Variants in PRKG1 observed in about 807,000 individuals in gnomAD.
PRKG1 encodes the protein protein kinase cGMP-dependent 1, also known as cGMP-dependent protein kinase 1.
A neutral mutation model predicts 88.1 loss-of-function variants in PRKG1; 35 were observed. That is an observed-to-expected ratio of 0.40 (90% CI 0.30 to 0.53). The LOEUF is 0.53. Ranked by LOEUF, PRKG1 falls within the 20% of genes least tolerant of loss-of-function variation. The probability of loss-of-function intolerance (pLI) is 0.59; values close to 1 mark genes in which losing one functional copy is unlikely to be tolerated. For missense variants in PRKG1, 540 were observed against 839.8 expected (o/e 0.64, Z 4.41); for synonymous variants, 303 against 292.5 (o/e 1.04, Z -0.37).
intron 2 of PRKG1, among the ~76,000 whole-genome samples, chr10:51,362,948 T>A (rs1002878903): frequency 2.0e-5 from 3 of 151,882 alleles, no homozygotes; most frequent in African/African-American, 7.2e-5. Flanking sequence ...AGTGTTACGA[T>A]CAGCTTAGAA....
intron 5 of PRKG1, among the ~76,000 whole-genome samples, chr10:51,958,510 C>T (rs1047266251): frequency 6.7e-4 from 94 of 141,316 alleles, no homozygotes; most frequent in African/African-American, 2.4e-3. Flanking sequence ...TGATGATCTT[C>T]AAGTATTTCA....
chr10:51,555,791 AG>A lies in PRKG1; in HGVS notation c.592+87958del, dbSNP rs1250381884. ...TTGGCTGGAAGGTAGGGGAAGAGGAAGGGTTACTTTTGCTTCTCTGAGTGTC... is the reference window on the plus strand; with the variant it reads ...TTGGCTGGAAGGTAGGGGAAGAGGAAGGTTACTTTTGCTTCTCTGAGTGTC... On this transcript the variant is annotated intron_variant, in intron 3 of 17. Coordinates refer to ENST00000373980, the MANE Select transcript of PRKG1 (RefSeq NM_006258.4). Among the ~76,000 whole-genome samples the A allele has an allele frequency of 2.6e-5, 4 of 152,048 alleles. No individual in the cohort carries two copies. The East Asian group carries it at 7.8e-4, about 30-fold the overall frequency.
chr10:51,199,987 C>T (rs528106518), intron 2 of PRKG1, among the ~76,000 whole-genome samples: 2 of 151,986 alleles, frequency 1.3e-5, no homozygotes, highest in Non-Finnish European at 2.9e-5. Flanking sequence ...CAATATAAGT[C>T]GGGTAAAAGA....
intron 9 of PRKG1, chr10:52,184,864 A>T (rs928200508): frequency 1.3e-5 from 2 of 152,268 alleles, no homozygotes; most frequent in Admixed American, 6.5e-5. Flanking sequence ...TAACGGAGCA[A>T]TAACTCACTT....
intron 3 of PRKG1, among the ~76,000 whole-genome samples, chr10:51,701,531 C>G (rs1841466363): frequency 1.3e-5 from 2 of 152,134 alleles, no homozygotes; most frequent in African/African-American, 2.4e-5. Flanking sequence ...TAGTCACCTG[C>G]TAGCAATGTT....
At chr10:51,621,185 C>T (rs1839202861) in intron 3 of PRKG1, among the ~76,000 whole-genome samples, 1 of 151,428 alleles carries the variant, frequency 6.6e-6, no homozygotes, top group African/African-American at 2.4e-5. Context: ...TTAGCTGTTC[C>T]TTAAAGGGCA....
intron 9 of PRKG1, among the ~76,000 whole-genome samples, chr10:52,214,853 C>T (rs1840070004): frequency 6.6e-6 from 1 of 151,996 alleles, no homozygotes; most frequent in Non-Finnish European, 1.5e-5. Flanking sequence ...GAGCAGGTAA[C>T]CAATCAGGAG....
chr10:51,583,558 C>A (rs1838096696), intron 3 of PRKG1, among the ~76,000 whole-genome samples: 1 of 151,634 alleles, frequency 6.6e-6, no homozygotes, highest in African/African-American at 2.4e-5. Flanking sequence ...AATGCATTCC[C>A]TTTTCTCTAT....
intron 2 of PRKG1, among the ~76,000 whole-genome samples, chr10:51,353,502 A>T (rs555066591): frequency 2.0e-5 from 3 of 152,316 alleles, no homozygotes; most frequent in African/African-American, 7.2e-5. Flanking sequence ...CTGAATAGAC[A>T]TTTGTCAAAA....
intron 2 of PRKG1, among the ~76,000 whole-genome samples, chr10:51,192,880 CCATT>C (rs1837665931): frequency 6.6e-6 from 1 of 151,938 alleles, no homozygotes. Flanking sequence ...ACTCACTCAC[CCATT>C]CAGTCTTGTT....
chr10:51,734,007 A>C (rs1254708270), intron 3 of PRKG1, among the ~76,000 whole-genome samples: 4 of 152,162 alleles, frequency 2.6e-5, no homozygotes, highest in Non-Finnish European at 2.9e-5. Flanking sequence ...GCATTCTAAT[A>C]AACAAAATGT....
intron 5 of PRKG1, chr10:51,908,734 A>ATATATATATATATATTTTTTT (rs563212069): frequency 1.1e-4 from 6 of 52,234 alleles, no homozygotes; most frequent in East Asian, 1.0e-3. Flanking sequence ...TCTATATGTA[A>ATATATATATATATATTTTTTT]TTTTTTTTTT....
intron 7 of PRKG1, among the ~76,000 whole-genome samples, chr10:52,113,031 C>G (rs556371523): frequency 6.6e-6 from 1 of 151,792 alleles, no homozygotes; most frequent in African/African-American, 2.4e-5. Context: ...ATTGCTTAAC[C>G]TCTGTTTACT....
intron 3 of PRKG1, among the ~76,000 whole-genome samples, chr10:51,668,734 A>T (rs1034531311): frequency 1.3e-5 from 2 of 152,302 alleles, no homozygotes; most frequent in African/African-American, 4.8e-5. Flanking sequence ...AGAAAAAAAA[A>T]ATATATGAGT....
chr10:51,239,189 T>C (rs1839084624), intron 2 of PRKG1, among the ~76,000 whole-genome samples: 1 of 152,136 alleles, frequency 6.6e-6, no homozygotes, highest in South Asian at 2.1e-4. Flanking sequence ...TTCTCTAACC[T>C]TGCAAAAAGA....
chr10:51,454,924 T>A (rs186116019), intron 2 of PRKG1, among the ~76,000 whole-genome samples: 1 of 152,312 alleles, frequency 6.6e-6, no homozygotes, highest in Non-Finnish European at 1.5e-5. Context: ...TCAAAACCAG[T>A]CATGCCTTCT....
At chr10:51,797,612 T>C (rs879821199) in intron 3 of PRKG1, among the ~76,000 whole-genome samples, 2 of 147,914 alleles carry the variant, frequency 1.4e-5, no homozygotes, top group Admixed American at 1.4e-4. Context: ...AATATACAAA[T>C]AAAATACATA....
chr10:52,189,906 T>A (rs1839321152), intron 9 of PRKG1, among the ~76,000 whole-genome samples: 1 of 152,238 alleles, frequency 6.6e-6, no homozygotes. Context: ...TCTTTAATAA[T>A]GAGTATTCTC....
At chr10:51,471,323 T>A (rs181951563) in intron 3 of PRKG1, among the ~76,000 whole-genome samples, 102 of 152,068 alleles carry the variant, frequency 6.7e-4, no homozygotes, top group Middle Eastern at 3.4e-3. Context: ...GTTTGATTTT[T>A]TTAATATTTT....
Sources: allele counts gnomAD v4.1 joint callset (sites outside exome capture counted in the v4.1 genomes callset), GRCh38; gene constraint gnomAD v4.1.1; transcripts MANE v1.5; gene names NCBI Gene and HGNC (gene_info 2026-07-23, HGNC 2026-07-21).